Variants in SLC25A15 observed in about 807,000 individuals in gnomAD.
SLC25A15 encodes the protein solute carrier family 25 member 15.
SLC25A15 carries 24 observed loss-of-function variants against 32.3 expected under a neutral mutation model. That is an observed-to-expected ratio of 0.74 (90% CI 0.54 to 1.04). SLC25A15 has a LOEUF of 1.04. SLC25A15 is among the 50% of genes least tolerant of loss of function. The pLI is 0.00. For missense variants in SLC25A15, 317 were observed against 374.5 expected, an observed-to-expected ratio of 0.85 and a Z score of 1.27; for synonymous variants, 132 against 142.1, an observed-to-expected ratio of 0.93 and a Z score of 0.51.
intron 3 of SLC25A15, among the ~76,000 whole-genome samples, chr13:40,800,155 G>A (rs1881824882): frequency 6.6e-6 from 1 of 151,972 alleles, no homozygotes; most frequent in South Asian, 2.1e-4. Flanking sequence ...GCAGCTGCAG[G>A]TCCCACACAA....
At chr13:40,793,624 T>C (rs548223474) in intron 2 of SLC25A15, among the ~76,000 whole-genome samples, 3 of 152,232 alleles carry the variant, frequency 2.0e-5, no homozygotes, top group Non-Finnish European at 4.4e-5. Flanking sequence ...AATGCCTAAC[T>C]ATAATCCCAG....
chr13:40,808,296 C>T, intron 5 of SLC25A15, 142 bp from the exon 6 acceptor site: 1 of 785,816 alleles, frequency 1.3e-6, no homozygotes, highest in Admixed American at 1.9e-5. Flanking sequence ...AGAGCTTTGA[C>T]AGTTTTCCTC....
intron 4 of SLC25A15, among the ~76,000 whole-genome samples, chr13:40,806,667 C>A (rs896613214): frequency 2.0e-5 from 3 of 152,222 alleles, no homozygotes; most frequent in African/African-American, 4.8e-5. Context: ...GCCAAGTCTC[C>A]TTCTTGCTGA....
At chr13:40,796,086 G>A (rs1338555449) in intron 2 of SLC25A15, among the ~76,000 whole-genome samples, 1 of 152,056 alleles carries the variant, frequency 6.6e-6, no homozygotes, top group Non-Finnish European at 1.5e-5. Context: ...GCCAGCCATT[G>A]ATAGGAGCAG....
Position 40,805,250 on chromosome 13 carries a change from CCAGAAGTAAG to C in SLC25A15, c.450_452+7del. The C allele has an allele frequency of 6.2e-7, 1 of 1,614,124 alleles. No homozygotes were observed. Among genetic ancestry groups the C allele is most frequent in the African/African-American group, 1.3e-5 (1 of 75,040 alleles). On this transcript the variant is annotated splice_donor_variant and splice_donor_5th_base_variant and coding_sequence_variant and intron_variant, in exon 4 of 7. Transcript: ENST00000338625. LOFTEE classifies it high-confidence loss of function. ...AGACATCAGGGAAGATAGCCAAGAG[CCAGAAGTAAG>C]CACCACTTGGGCACAAACGTCAGGT...
chr13:40,801,644 G>T (rs1358746826), intron 3 of SLC25A15, among the ~76,000 whole-genome samples: 1 of 152,208 alleles, frequency 6.6e-6, no homozygotes, highest in African/African-American at 2.4e-5. Context: ...TGAAAGGAAA[G>T]AACTGCTTGT....
At position 40,795,916 on chromosome 13, in the gene SLC25A15, G is replaced by T. The variant is rs143978694; in HGVS notation, c.55+2635G>T. ...TACACAGCAAGATGGTGTGAAGACA[G>T]GGCAGGACTGTGATCCCTGGGTCCC... is the stretch of plus-strand genomic sequence containing the variant. On this transcript the variant is annotated intron_variant, in intron 2 of 6. Coordinates refer to ENST00000338625, the MANE Select transcript of SLC25A15 (RefSeq NM_014252.4). 3.1e-3 allele frequency among the ~76,000 whole-genome samples: 476 copies of T among 152,336 alleles called. 3 individuals carry two copies. Among genetic ancestry groups the T allele is most frequent in the African/African-American group, 0.011 (451 of 41,568 alleles).
At position 40,809,379 on chromosome 13, in the gene SLC25A15, A is replaced by G. The variant is rs2004000; in HGVS notation, c.782-164A>G. Among the ~76,000 whole-genome samples, 73,984 of 152,058 alleles carry G rather than the reference A, an allele frequency of 0.49. 18,260 individuals carry two copies. The highest frequency in any genetic ancestry group is 0.55 in the African/African-American group (22,687 of 41,464). ...AGACCTGATACTTGTCCTTGTTTCC[A>G]TTAGTCTATTTAGGAAAAGCTGGGA... On this transcript the variant is annotated intron_variant, in intron 6 of 6. Coordinates refer to ENST00000338625, the MANE Select transcript of SLC25A15 (RefSeq NM_014252.4).
At chr13:40,801,600 G>A (rs1881893093) in intron 3 of SLC25A15, among the ~76,000 whole-genome samples, 2 of 152,100 alleles carry the variant, frequency 1.3e-5, no homozygotes, top group South Asian at 4.1e-4. Flanking sequence ...ATTTTATAAG[G>A]GTCAGTTCTA....
chr13:40,809,398 G>A (rs1187714651), intron 6 of SLC25A15, 145 bp from the exon 7 acceptor site: 1 of 1,002,308 alleles, frequency 1.0e-6, no homozygotes, highest in Non-Finnish European at 1.6e-6. Context: ...TTTAGGAAAA[G>A]CTGGGAATGC....
chr13:40,797,796 T>A (rs1881716520), intron 2 of SLC25A15, among the ~76,000 whole-genome samples: 1 of 152,184 alleles, frequency 6.6e-6, no homozygotes, highest in Admixed American at 6.5e-5. Flanking sequence ...ATTCAGGAAG[T>A]TGCATTTCTT....
chr13:40,798,984 C>G, intron 2 of SLC25A15, 73 bp from the exon 3 acceptor site: 1 of 1,613,192 alleles, frequency 6.2e-7, no homozygotes, highest in South Asian at 1.1e-5. Context: ...CTGGGGTAGG[C>G]TGCCTGTGCC....
intron 3 of SLC25A15, among the ~76,000 whole-genome samples, chr13:40,802,951 T>G (rs1213115726): frequency 6.6e-6 from 1 of 152,104 alleles, no homozygotes; most frequent in Non-Finnish European, 1.5e-5. Flanking sequence ...CTGAGGAGAT[T>G]CCCACCCACC....
chr13:40,808,304 C>T, intron 5 of SLC25A15, 134 bp from the exon 6 acceptor site: 1 of 828,202 alleles, frequency 1.2e-6, no homozygotes, highest in Non-Finnish European at 2.0e-6. Flanking sequence ...GACAGTTTTC[C>T]TCAAAGAATT....
chr13:40,791,636 C>T (rs1881508506), intron 1 of SLC25A15, among the ~76,000 whole-genome samples: 1 of 152,062 alleles, frequency 6.6e-6, no homozygotes, highest in African/African-American at 2.4e-5. Context: ...GGATTACAGG[C>T]GTGAGCCACC....
chr13:40,811,939 G>A lies in SLC25A15; in HGVS notation c.*2272G>A, dbSNP rs865875322. On this transcript the variant is annotated 3_prime_UTR_variant, in exon 7 of 7. Coordinates refer to ENST00000338625, the MANE Select transcript of SLC25A15 (RefSeq NM_014252.4). ...TATGAGAGGCTGACAAACATCAGGG[G>A]ACATCTGGGGAGGAGATCCCTGTCA... Among the ~76,000 whole-genome samples, 4 of 152,292 alleles carry A rather than the reference G, an allele frequency of 2.6e-5. No homozygotes were observed. The highest frequency in any genetic ancestry group is 3.4e-3 in the Middle Eastern group (1 of 294).
intron 3 of SLC25A15, among the ~76,000 whole-genome samples, chr13:40,799,857 C>T (rs2138046813): frequency 6.6e-6 from 1 of 152,328 alleles, no homozygotes; most frequent in South Asian, 2.1e-4. Flanking sequence ...GTTGTCTGAG[C>T]CAGATGAACT....
intron 2 of SLC25A15, 99 bp from the exon 3 acceptor site, chr13:40,798,958 G>T (rs920585443): frequency 2.5e-6 from 4 of 1,608,702 alleles, no homozygotes; most frequent in Admixed American, 1.7e-5. Context: ...GAAATGAACC[G>T]AAGCAGGGGT....
chr13:40,809,574 T>G lies in SLC25A15; in HGVS notation c.813T>G (p.Pro271=). The G allele has an allele frequency of 2.5e-6, 4 of 1,612,100 alleles. No individual in the cohort carries two copies. Among genetic ancestry groups the G allele is most frequent in the Non-Finnish European group, 2.5e-6 (3 of 1,179,858 alleles). The change falls in exon 7 of 7, where the codon CCT becomes CCG. Residue 271 remains proline, a synonymous_variant. Coordinates refer to ENST00000338625, the MANE Select transcript of SLC25A15 (RefSeq NM_014252.4). ...CGGCCTTATATTCTGGACTGAAACC[T>G]ACTATGATTCGAGCATTCCCTGCCA... ...GITALYSGLK[P]TMIRAFPANG... is the part of the protein sequence containing the mutation.
Sources: gnomAD v4.1 joint callset for allele counts (sites outside exome capture counted in the v4.1 genomes callset) on GRCh38, gnomAD v4.1.1 for gene constraint, MANE v1.5 for transcripts, NCBI Gene and HGNC (gene_info 2026-07-23, HGNC 2026-07-21) for gene names.